Variants in HDAC4 observed in about 807,000 individuals in gnomAD.
The protein encoded by HDAC4 is histone deacetylase A.
Under a neutral mutation model 135.1 loss-of-function variants are expected in HDAC4, and 16 were observed. The ratio of observed to expected loss-of-function variants is 0.12; its 90% CI spans 0.08 to 0.18. The LOEUF (loss-of-function observed/expected upper bound fraction) is 0.18. Ranked by LOEUF, HDAC4 falls within the 10% of genes least tolerant of loss-of-function variation. The pLI is 1.00. For missense variants in HDAC4, 1,143 were observed against 1,511.8 expected (o/e 0.76, Z 4.05); for synonymous variants, 685 against 653.4 (o/e 1.05, Z -0.74).
At chr2:239,324,325 T>C (rs2053406939) in intron 2 of HDAC4, among the ~76,000 whole-genome samples, 2 of 152,128 alleles carry the variant, frequency 1.3e-5, no homozygotes, top group South Asian at 4.1e-4. Context: ...GAACTTAACA[T>C]GGAGAAAGAG....
chr2:239,053,441 C>A lies in HDAC4; in HGVS notation c.3230+19G>T, dbSNP rs778378070. The A allele has an allele frequency of 1.9e-6, 3 of 1,609,226 alleles. No homozygotes were observed. Among genetic ancestry groups the A allele is most frequent in the Non-Finnish European group, 2.5e-6 (3 of 1,177,404 alleles). On this transcript the variant is annotated intron_variant, in intron 26 of 26. Coordinates refer to ENST00000543185, the MANE Select transcript of HDAC4 (RefSeq NM_001378414.1). ...GGGGCTGGGTGAGCCTGCAGGCGGG[C>A]GGCAGGGCAGGTGCTCACCTCTTTT...
intron 4 of HDAC4, among the ~76,000 whole-genome samples, chr2:239,185,907 G>A (rs1354615728): frequency 1.3e-5 from 2 of 152,118 alleles, no homozygotes; most frequent in African/African-American, 4.8e-5. Context: ...GGTGGTGCAT[G>A]CTGGTAATCC....
chr2:239,227,996 T>C (rs2047338840), intron 3 of HDAC4, among the ~76,000 whole-genome samples: 1 of 152,072 alleles, frequency 6.6e-6, no homozygotes, highest in African/African-American at 2.4e-5. Flanking sequence ...CTGGGCTGGG[T>C]TTCACTTGAG....
In HDAC4 at chr2:239,156,792, C is replaced by G. The variant is rs76103770; in HGVS notation, c.612-19G>C. 162,414 of 1,613,714 alleles carry G rather than the reference C, an allele frequency of 0.1. 8,994 individuals carry two copies. Among genetic ancestry groups the G allele is most frequent in the East Asian group, 0.16 (7,108 of 44,872 alleles). On this transcript the variant is annotated intron_variant, in intron 6 of 26. Coordinates refer to ENST00000543185, the MANE Select transcript of HDAC4 (RefSeq NM_001378414.1). ...CGTTTTCCTGGAGAGAAGGCAAAGA[C>G]AGATGGTTTAGTTTACCCAGCGCAC...
chr2:239,282,386 C>T (rs796635087), intron 2 of HDAC4, among the ~76,000 whole-genome samples: 40 of 133,964 alleles, frequency 3.0e-4, no homozygotes, highest in East Asian at 2.3e-3. Flanking sequence ...ACACCACTCT[C>T]CACACAATGT....
chr2:239,097,086 T>C (rs1442593628), intron 16 of HDAC4, among the ~76,000 whole-genome samples: 2 of 152,182 alleles, frequency 1.3e-5, no homozygotes, highest in African/African-American at 2.4e-5. Flanking sequence ...GCAGGCGCCA[T>C]GCAGATGCTG....
At chr2:239,250,393 C>T (rs944019438) in intron 2 of HDAC4, among the ~76,000 whole-genome samples, 4 of 152,210 alleles carry the variant, frequency 2.6e-5, no homozygotes, top group Admixed American at 2.6e-4. Flanking sequence ...TGGGGAAGAA[C>T]AAGGAATTGA....
chr2:239,196,874 A>G (rs532009625), intron 3 of HDAC4, among the ~76,000 whole-genome samples: 8 of 152,260 alleles, frequency 5.3e-5, no homozygotes, highest in Admixed American at 1.3e-4. Flanking sequence ...CAAGCGGCTG[A>G]GTGTTGCATC....
chr2:239,176,392 G>A (rs751757623), intron 5 of HDAC4, 21 bp downstream of exon 5: 1 of 1,607,130 alleles, frequency 6.2e-7, no homozygotes, highest in Admixed American at 1.7e-5. Flanking sequence ...CCTCTGCCTG[G>A]CCTTCCGTGC....
Position 239,313,563 on chromosome 2 carries a change from AC to A in HDAC4, c.22+39114del, listed in dbSNP as rs1467429824. On this transcript the variant is annotated intron_variant, in intron 2 of 26. Coordinates refer to ENST00000543185, the MANE Select transcript of HDAC4 (RefSeq NM_001378414.1). The surrounding 1 kb of genome is among the most constrained non-coding windows in gnomAD (Gnocchi z 5.1). ...CCCAGTTTTCCATGGCACTTCGCAAACACAGCTGGTCAGGCCCTTAGCACCT... is the reference window on the plus strand; with the variant it reads ...CCCAGTTTTCCATGGCACTTCGCAAAACAGCTGGTCAGGCCCTTAGCACCT... Among the ~76,000 whole-genome samples the A allele has an allele frequency of 6.6e-6, 1 of 152,124 alleles. No homozygotes were observed. The highest frequency in any genetic ancestry group is 1.5e-5 in the Non-Finnish European group (1 of 68,020).
At chr2:239,100,064 G>A (rs536050777) in intron 16 of HDAC4, among the ~76,000 whole-genome samples, 1 of 152,380 alleles carries the variant, frequency 6.6e-6, no homozygotes, top group Non-Finnish European at 1.5e-5. Context: ...GGAGTCTGCA[G>A]GTGCCCTGGC....
In HDAC4 at chr2:239,048,834, T is replaced by C. The variant is rs79040455; in HGVS notation, c.*4263A>G. On this transcript the variant is annotated 3_prime_UTR_variant, in exon 27 of 27. Coordinates refer to ENST00000543185, the MANE Select transcript of HDAC4 (RefSeq NM_001378414.1). ...CCACAGTGCTCGCACAGTTCACGAC[T>C]GCTTAAAGTGAAATCTTAGCCATAC... The C allele has an allele frequency of 0.026, 3,988 of 152,324 alleles. 73 individuals carry two copies. Among genetic ancestry groups the C allele is most frequent in the Non-Finnish European group, 0.037 (2,509 of 68,032 alleles). 9.4% of individuals were successfully genotyped at this position (152,324 alleles called of 1,614,324 possible).
intron 18 of HDAC4, 94 bp from the exon 19 acceptor site, chr2:239,087,708 G>T: frequency 8.6e-7 from 1 of 1,159,618 alleles, no homozygotes; most frequent in Non-Finnish European, 1.3e-6. Context: ...TAGCAGAGTT[G>T]GGCTACACAG....
chr2:239,254,741 A>G (rs1269072931), intron 2 of HDAC4, among the ~76,000 whole-genome samples: 1 of 145,354 alleles, frequency 6.9e-6, no homozygotes, highest in Non-Finnish European at 1.5e-5. Flanking sequence ...CAGATAACGA[A>G]TGAGAATATT....
At chr2:239,341,243 A>T (rs1430860106) in intron 2 of HDAC4, among the ~76,000 whole-genome samples, 1 of 152,254 alleles carries the variant, frequency 6.6e-6, no homozygotes, top group Non-Finnish European at 1.5e-5. Context: ...GAAGCACATG[A>T]GAGAGACGTG....
In HDAC4 at chr2:239,252,403, C is replaced by T. The variant is rs1225886388; in HGVS notation, c.23-15739G>A. Among the ~76,000 whole-genome samples, 3 of 152,342 alleles carry T rather than the reference C, an allele frequency of 2.0e-5. No homozygotes were observed. In the South Asian group the frequency reaches 6.2e-4, roughly 32 times the overall value. ...TAGCCTATGCCATGGACATGGCCCA[C>T]GCCACCATGGACACAGCCCACGTCA... On this transcript the variant is annotated intron_variant, in intron 2 of 26. Transcript: ENST00000543185.
chr2:239,338,131 G>A (rs1692067030), intron 2 of HDAC4, among the ~76,000 whole-genome samples: 2 of 152,166 alleles, frequency 1.3e-5, no homozygotes, highest in South Asian at 2.1e-4. Flanking sequence ...CAAGCACAGA[G>A]AGACAACTCC....
At chr2:239,114,482 T>C (rs111680688) in intron 13 of HDAC4, among the ~76,000 whole-genome samples, 4 of 152,218 alleles carry the variant, frequency 2.6e-5, no homozygotes, top group African/African-American at 7.2e-5. Flanking sequence ...AGAAGTTTAA[T>C]GTTTCAATGG....
chr2:239,359,380 T>C (rs915535714), intron 1 of HDAC4, among the ~76,000 whole-genome samples: 7 of 152,236 alleles, frequency 4.6e-5, no homozygotes, highest in African/African-American at 1.7e-4. Context: ...GCCAAGCTAA[T>C]GGGAAACATG....
Sources: allele counts gnomAD v4.1 joint callset (sites outside exome capture counted in the v4.1 genomes callset), GRCh38; gene constraint gnomAD v4.1.1; non-coding constraint Gnocchi (gnomAD v3.1); transcripts MANE v1.5; gene names NCBI Gene and HGNC (gene_info 2026-07-23, HGNC 2026-07-21).